Variants in SBF2 observed in about 807,000 individuals in gnomAD.
SBF2 encodes the protein myotubularin-related protein 13.
Under a neutral mutation model 225.2 loss-of-function variants are expected in SBF2, and 112 were observed. The observed-to-expected ratio is 0.50, with a 90% confidence interval of 0.43 to 0.58. The LOEUF (loss-of-function observed/expected upper bound fraction) is 0.58. SBF2 is among the 20% of genes least tolerant of loss of function. SBF2 has a pLI of 0.00. For synonymous variants in SBF2, 763 were observed against 773.3 expected (o/e 0.99, Z 0.22); for missense variants, 1,996 against 2,206.2 (o/e 0.90, Z 1.91).
chr11:9,779,542 G>A lies in SBF2; in HGVS notation c.*876C>T, dbSNP rs1208953707. The A allele has an allele frequency of 6.5e-6, 1 of 152,690 alleles. No homozygotes were observed. The highest frequency in any genetic ancestry group is 1.5e-5 in the Non-Finnish European group (1 of 68,074). 9.5% of individuals were successfully genotyped at this position (152,690 alleles called of 1,614,324 possible). A position where few individuals can be genotyped will look rare whatever the true frequency, so the allele number is the denominator to read the frequency against. ...GGTCAACACAGCCCTTGTCACAGGT[G>A]CGTATGGTCCTAAATAGCTGGCCTC... On this transcript the variant is annotated 3_prime_UTR_variant, in exon 40 of 40. Transcript: ENST00000256190.
At chr11:10,253,633 T>C (rs1422684715) in intron 1 of SBF2, among the ~76,000 whole-genome samples, 2 of 152,160 alleles carry the variant, frequency 1.3e-5, no homozygotes, top group African/African-American at 2.4e-5. Context: ...CTTTTTCTCA[T>C]AAAGGAAAAA....
intron 1 of SBF2, among the ~76,000 whole-genome samples, chr11:10,247,127 G>A (rs1565397652): frequency 6.6e-6 from 1 of 152,096 alleles, no homozygotes; most frequent in Admixed American, 6.6e-5. Flanking sequence ...TAAACTTTCA[G>A]TGAAAGAAAC....
chr11:10,296,932 G>GT (rs1299077006), upstream of SBF2, among the ~76,000 whole-genome samples: 1 of 152,160 alleles, frequency 6.6e-6, no homozygotes, highest in African/African-American at 2.4e-5. Context: ...TTGTGGTCCT[G>GT]TTTTGCCTTT....
chr11:9,869,367 G>A (rs1858522314), intron 17 of SBF2, among the ~76,000 whole-genome samples: 1 of 151,910 alleles, frequency 6.6e-6, no homozygotes, highest in Non-Finnish European at 1.5e-5. Flanking sequence ...TACCCAGGCT[G>A]GAGTGCAGTG....
intron 2 of SBF2, among the ~76,000 whole-genome samples, chr11:10,116,316 C>T (rs1338598432): frequency 6.6e-6 from 1 of 152,072 alleles, no homozygotes; most frequent in Non-Finnish European, 1.5e-5. Context: ...TGATACTGTT[C>T]TGAAACAGAA....
At chr11:10,068,898 A>C (rs928813093) in intron 2 of SBF2, among the ~76,000 whole-genome samples, 3 of 152,196 alleles carry the variant, frequency 2.0e-5, no homozygotes, top group African/African-American at 7.2e-5. Flanking sequence ...CCGAAAGCCC[A>C]AACAATACAG....
chr11:10,232,064 G>C (rs1958875119), intron 1 of SBF2, among the ~76,000 whole-genome samples: 1 of 152,226 alleles, frequency 6.6e-6, no homozygotes, highest in African/African-American at 2.4e-5. Context: ...AGACTGCTGT[G>C]CTAGCAATGA....
intron 2 of SBF2, among the ~76,000 whole-genome samples, chr11:10,185,545 A>C (rs1956903062): frequency 6.6e-6 from 1 of 151,838 alleles, no homozygotes; most frequent in Non-Finnish European, 1.5e-5. Flanking sequence ...GCCTCCAACT[A>C]CTAGGCTCAG....
chr11:10,221,060 C>A (rs1430595009), intron 1 of SBF2, among the ~76,000 whole-genome samples: 1 of 151,534 alleles, frequency 6.6e-6, no homozygotes, highest in Non-Finnish European at 1.5e-5. Context: ...ATCATGGCTC[C>A]TTTCACTTAT....
At position 10,293,947 on chromosome 11, in the gene SBF2, C is replaced by G. The variant is rs1964344769; in HGVS notation, c.55+68G>C. The G allele has an allele frequency of 2.5e-6, 3 of 1,184,166 alleles. No homozygotes were observed. In the Admixed American group the frequency reaches 1.3e-4, roughly 51 times the overall value. The allele number at this position is 1,184,166 out of a possible 1,614,324, so 73.4% of individuals were successfully genotyped here. ...GACGCCCGTCCCCGACGCCCGGCCC[C>G]GCGGAGCCCACTGGACAGCGGCCGG... is the stretch of plus-strand genomic sequence containing the variant. On this transcript the variant is annotated intron_variant, in intron 1 of 39. Transcript: ENST00000256190.
intron 2 of SBF2, among the ~76,000 whole-genome samples, chr11:10,058,625 G>A: frequency 6.6e-6 from 1 of 152,112 alleles, no homozygotes; most frequent in South Asian, 2.1e-4. Flanking sequence ...CCCCAACCTT[G>A]TTAGAGAGGC....
At chr11:10,177,737 G>T (rs932737244) in intron 2 of SBF2, among the ~76,000 whole-genome samples, 1 of 151,096 alleles carries the variant, frequency 6.6e-6, no homozygotes, top group East Asian at 2.0e-4. Context: ...TGGGTAGGAA[G>T]AATCAATATT....
rs1363869676 is a variant in SBF2, at chr11:10,004,298, C to A, written c.620-1609G>T. Among the ~76,000 whole-genome samples, 5 of 151,848 alleles carry A rather than the reference C, an allele frequency of 3.3e-5. No individual in the cohort carries two copies. The East Asian group carries it at 9.7e-4, about 29-fold the overall frequency. The stretch of plus-strand genomic sequence containing the variant: ...TGCTACAAATTTTGCAAAAAATATT[C>A]TTTTGGCTTTAACATGAATTTTAAA... On this transcript the variant is annotated intron_variant, in intron 6 of 39. Coordinates refer to ENST00000256190, the MANE Select transcript of SBF2 (RefSeq NM_030962.4).
intron 39 of SBF2, chr11:9,780,748 C>T (rs988720571): frequency 1.3e-5 from 7 of 531,302 alleles, no homozygotes; most frequent in South Asian, 4.0e-5. Context: ...ACACTGGGAG[C>T]GCCTTATTTT....
chr11:10,220,503 T>TC (rs1958302218), intron 1 of SBF2, among the ~76,000 whole-genome samples: 1 of 152,212 alleles, frequency 6.6e-6, no homozygotes, highest in African/African-American at 2.4e-5. Flanking sequence ...TCATGTGAGT[T>TC]CATCCCTCCT....
chr11:9,981,888 T>C (rs1946973294), intron 13 of SBF2, among the ~76,000 whole-genome samples: 1 of 152,186 alleles, frequency 6.6e-6, no homozygotes, highest in Non-Finnish European at 1.5e-5. Context: ...AAAAATCACA[T>C]CTTCCCTCAA....
chr11:9,845,560 C>T lies in SBF2; in HGVS notation c.3110+5G>A. ...TGAAATTAACAGACTTGTCTTTCTT[C>T]TTACCGAAAAGAAGTGTTCTTTTCC... On this transcript the variant is annotated splice_donor_5th_base_variant and intron_variant, in intron 24 of 39. Transcript: ENST00000256190. The T allele has an allele frequency of 6.2e-7, 1 of 1,613,028 alleles. No homozygotes were observed. Among genetic ancestry groups the T allele is most frequent in the Non-Finnish European group, 8.5e-7 (1 of 1,179,050 alleles).
At chr11:10,165,589 A>G (rs1955915061) in intron 2 of SBF2, among the ~76,000 whole-genome samples, 1 of 152,156 alleles carries the variant, frequency 6.6e-6, no homozygotes, top group Non-Finnish European at 1.5e-5. Context: ...CTACTAGTAC[A>G]CTGTAGCATT....
chr11:9,932,559 T>C (rs759612563), intron 16 of SBF2, among the ~76,000 whole-genome samples: 42 of 152,144 alleles, frequency 2.8e-4, no homozygotes, highest in Non-Finnish European at 5.3e-4. Flanking sequence ...AGAAATAAAA[T>C]CCTTTACAGA....
Sources: allele counts gnomAD v4.1 joint callset (sites outside exome capture counted in the v4.1 genomes callset), GRCh38; gene constraint gnomAD v4.1.1; transcripts MANE v1.5; gene names NCBI Gene and HGNC (gene_info 2026-07-23, HGNC 2026-07-21).